TET1: variants seen among roughly 807,000 people sequenced by gnomAD.
The protein encoded by TET1 is tet methylcytosine dioxygenase 1, also known as methylcytosine dioxygenase TET1.
TET1 carries 13 observed loss-of-function variants against 148.7 expected under a neutral mutation model. That is an observed-to-expected ratio of 0.09 (90% confidence interval 0.06 to 0.14). The LOEUF (loss-of-function observed/expected upper bound fraction) is 0.14. Among genes scored for constraint, TET1 ranks in the 10% least tolerant of loss-of-function variants. The pLI is 1.00. For missense variants in TET1, 2,182 were observed against 2,553.8 expected (o/e 0.85, Z 3.14); for synonymous variants, 907 against 937.2 (o/e 0.97, Z 0.59).
intron 7 of TET1, among the ~76,000 whole-genome samples, chr10:68,667,949 C>A (rs1052975633): frequency 2.0e-5 from 3 of 152,056 alleles, no homozygotes; most frequent in Non-Finnish European, 4.4e-5. Context: ...TGTAGTCTTA[C>A]CAATGATTAT....
At chr10:68,681,553 A>G in intron 9 of TET1, 65 bp downstream of exon 9, 1 of 1,103,466 alleles carries the variant, frequency 9.1e-7, no homozygotes, top group Non-Finnish European at 1.3e-6. Flanking sequence ...TTTGTTGCCC[A>G]GGCAGCAGTA....
At chr10:68,639,976 G>A (rs1272014547) in intron 3 of TET1, among the ~76,000 whole-genome samples, 1 of 152,160 alleles carries the variant, frequency 6.6e-6, no homozygotes, top group Non-Finnish European at 1.5e-5. Flanking sequence ...CGCCCAGGCT[G>A]GAGTGGAGTG....
intron 1 of TET1, among the ~76,000 whole-genome samples, chr10:68,567,953 A>T (rs1272746753): frequency 6.6e-6 from 1 of 151,476 alleles, no homozygotes; most frequent in Admixed American, 6.6e-5. Flanking sequence ...ATCTTGGCTC[A>T]CCGCAACTTC....
intron 6 of TET1, among the ~76,000 whole-genome samples, chr10:68,660,909 C>A (rs1589119808): frequency 6.6e-6 from 1 of 152,230 alleles, no homozygotes; most frequent in Middle Eastern, 3.4e-3. Context: ...GGTGATCCAC[C>A]CGCCTCGGCC....
In TET1 at chr10:68,676,187, A is replaced by G. The variant is rs868210565; in HGVS notation, c.4824+3142A>G. Among the ~76,000 whole-genome samples the G allele has an allele frequency of 1.7e-4, 11 of 65,520 alleles. No individual in the cohort carries two copies. The South Asian group carries it at 2.2e-3, about 13-fold the overall frequency. 43.0% of individuals were successfully genotyped at this position (65,520 alleles called of 152,430 possible). A position where few individuals can be genotyped will look rare whatever the true frequency, so the allele number is the denominator to read the frequency against. ...TGTGTGTGTGTGTGTGTGTGTGTGTATACACAAGATATATATGTATATATA... is the reference window on the plus strand; with the variant it reads ...TGTGTGTGTGTGTGTGTGTGTGTGTGTACACAAGATATATATGTATATATA... On this transcript the variant is annotated intron_variant, in intron 8 of 11. Transcript: ENST00000373644.
intron 3 of TET1, among the ~76,000 whole-genome samples, chr10:68,617,265 C>T (rs1045239479): frequency 2.6e-5 from 4 of 151,106 alleles, no homozygotes; most frequent in Non-Finnish European, 5.9e-5. Flanking sequence ...ACCTCGTGAT[C>T]CACCCACCTC....
intron 3 of TET1, among the ~76,000 whole-genome samples, chr10:68,623,259 G>A (rs2054402324): frequency 3.3e-5 from 5 of 152,058 alleles, no homozygotes; most frequent in Admixed American, 3.3e-4. Context: ...TAAAAAAAGT[G>A]TTGTCCTTTT....
chr10:68,599,513 T>C (rs936423908), intron 2 of TET1, among the ~76,000 whole-genome samples: 4 of 152,252 alleles, frequency 2.6e-5, no homozygotes, highest in Non-Finnish European at 4.4e-5. Context: ...TTTCCCAGTG[T>C]CTGGCAGGTG....
At chr10:68,618,577 T>C (rs1342741964) in intron 3 of TET1, among the ~76,000 whole-genome samples, 1 of 152,114 alleles carries the variant, frequency 6.6e-6, no homozygotes, top group East Asian at 1.9e-4. Context: ...CACCTAGCTG[T>C]GAACAAAAGA....
intron 8 of TET1, chr10:68,674,386 C>G (rs2055321625): frequency 7.8e-6 from 2 of 256,964 alleles, no homozygotes; most frequent in Non-Finnish European, 1.5e-5. Context: ...GTGCTTGATC[C>G]ATTTTCTAAG....
intron 4 of TET1, among the ~76,000 whole-genome samples, chr10:68,651,218 A>C (rs113492938): frequency 0.014 from 2,061 of 152,186 alleles, 21 homozygotes; most frequent in South Asian, 0.024. Context: ...TTTTCCCAGC[A>C]CTTTGGGAGG....
chr10:68,625,903 A>G (rs567095952), intron 3 of TET1, among the ~76,000 whole-genome samples: 2 of 152,056 alleles, frequency 1.3e-5, no homozygotes, highest in African/African-American at 4.8e-5. Flanking sequence ...CCTGGGAAAC[A>G]TGAAGAGACC....
intron 6 of TET1, among the ~76,000 whole-genome samples, chr10:68,654,645 A>T (rs2054996297): frequency 6.6e-6 from 1 of 152,128 alleles, no homozygotes. Flanking sequence ...AAACGAAATT[A>T]AGGAGATAAT....
chr10:68,615,356 C>CTTTTTTCTTTTT (rs2054275441), intron 3 of TET1, among the ~76,000 whole-genome samples: 1 of 145,280 alleles, frequency 6.9e-6, no homozygotes, highest in Non-Finnish European at 1.5e-5. Context: ...CTTTTCTTTT[C>CTTTTTTCTTTTT]TTTTTTTGAG....
At chr10:68,574,438 T>C (rs1158622995) in intron 2 of TET1, among the ~76,000 whole-genome samples, 186 bp downstream of exon 2, 1 of 152,226 alleles carries the variant, frequency 6.6e-6, no homozygotes, top group Non-Finnish European at 1.5e-5. Flanking sequence ...ACCTGAAGTA[T>C]GTCTTGTGCA....
chr10:68,651,127 C>T (rs139072590), intron 4 of TET1, among the ~76,000 whole-genome samples: 1 of 152,032 alleles, frequency 6.6e-6, no homozygotes, highest in African/African-American at 2.4e-5. Flanking sequence ...TTTGATATTA[C>T]AAATAATTGT....
At chr10:68,586,492 T>TTGTTTG (rs2053863398) in intron 2 of TET1, among the ~76,000 whole-genome samples, 1 of 150,172 alleles carries the variant, frequency 6.7e-6, no homozygotes, top group African/African-American at 2.5e-5. Flanking sequence ...AACGTTTTTT[T>TTGTTTG]TTTTTTTTTA....
At position 68,646,631 on chromosome 10, in the gene TET1, A is replaced by T; in HGVS notation, c.3902A>T (p.Gln1301Leu). ...AATCAGAAAGCCCATCCTTTGACCC[A>T]GCCCTCCTCTCCACCTAACCAGTGT... ...NANQKAHPLT[Q>L]PSSPPNQCAN... Residue 1301 changes from glutamine (Q) to leucine (L), a missense_variant, in exon 4 of 12, where the codon CAG becomes CTG. This residue lies in a region of TET1 where 582 missense variants were observed against 599.5 expected (regional missense o/e 0.97). Coordinates refer to ENST00000373644, the MANE Select transcript of TET1 (RefSeq NM_030625.3). 1 of 1,614,172 alleles carries T rather than the reference A, an allele frequency of 6.2e-7. No homozygotes were observed. Among genetic ancestry groups the T allele is most frequent in the Non-Finnish European group, 8.5e-7 (1 of 1,180,036 alleles).
At chr10:68,586,508 T>TTA (rs2053864120) in intron 2 of TET1, among the ~76,000 whole-genome samples, 1 of 145,556 alleles carries the variant, frequency 6.9e-6, no homozygotes. Context: ...TTTTAATTTT[T>TTA]ATTTTTTGTA....
Sources: gnomAD v4.1 joint callset for allele counts (sites outside exome capture counted in the v4.1 genomes callset) on GRCh38, gnomAD v4.1.1 for gene constraint, gnomAD v4.1.1 regional missense constraint, MANE v1.5 for transcripts, NCBI Gene and HGNC (gene_info 2026-07-23, HGNC 2026-07-21) for gene names.